Variants in CCDC170 observed in about 807,000 individuals in gnomAD.
CCDC170 encodes coiled-coil domain containing 170.
A neutral mutation model predicts 72.6 loss-of-function variants in CCDC170; 69 were observed. The ratio of observed to expected loss-of-function variants is 0.95; its 90% confidence interval spans 0.78 to 1.16. The LOEUF (loss-of-function observed/expected upper bound fraction) is 1.16, where lower values mean the gene tolerates loss of function less well. Ranked by LOEUF, CCDC170 falls within the 50% of genes most tolerant of loss-of-function variation. The pLI, the probability that CCDC170 is intolerant of heterozygous loss-of-function variation, is 0.00. For synonymous variants in CCDC170, 300 were observed against 303.9 expected (o/e 0.99, Z 0.13); for missense variants, 852 against 832.5 (o/e 1.02, Z -0.29).
At chr6:151,596,735 T>C (rs567355825) in intron 9 of CCDC170, 158 bp downstream of exon 9, 13 of 980,084 alleles carry the variant, frequency 1.3e-5, no homozygotes, top group Admixed American at 1.2e-4. Flanking sequence ...ATGACACAAA[T>C]CAGGGTACAT....
chr6:151,529,568 A>G (rs1223721049), intron 1 of CCDC170, among the ~76,000 whole-genome samples: 1 of 152,140 alleles, frequency 6.6e-6, no homozygotes, highest in African/African-American at 2.4e-5. Flanking sequence ...GAGGCAGGAG[A>G]ATCGCTTGAA....
At chr6:151,559,668 CTT>C (rs1562282337) in intron 5 of CCDC170, among the ~76,000 whole-genome samples, 2 of 152,240 alleles carry the variant, frequency 1.3e-5, no homozygotes, top group South Asian at 4.1e-4. Context: ...TTAACTTTCT[CTT>C]TTCCAATTTG....
intron 1 of CCDC170, among the ~76,000 whole-genome samples, chr6:151,519,797 G>T (rs1311965111): frequency 6.6e-6 from 1 of 152,190 alleles, no homozygotes; most frequent in Non-Finnish European, 1.5e-5. Flanking sequence ...ATAACCTGAA[G>T]TTGCCATGAC....
At chr6:151,527,050 ATTTTTTTTTTT>A (rs56941290) in intron 1 of CCDC170, among the ~76,000 whole-genome samples, 14 of 69,684 alleles carry the variant, frequency 2.0e-4, no homozygotes, top group Admixed American at 4.0e-4. Context: ...ATGCTTAGCT[ATTTTTTTTTTT>A]TTTTTTTTTT....
intron 9 of CCDC170, among the ~76,000 whole-genome samples, chr6:151,601,044 TAA>T (rs1283514511): frequency 6.6e-6 from 1 of 152,170 alleles, no homozygotes; most frequent in Non-Finnish European, 1.5e-5. Flanking sequence ...CTGCTGCTGA[TAA>T]AGACATACCC....
chr6:151,596,706 T>C (rs1053986465), intron 9 of CCDC170, 129 bp downstream of exon 9: 2 of 1,367,678 alleles, frequency 1.5e-6, no homozygotes, highest in African/African-American at 2.9e-5. Context: ...TTTTCTAGAA[T>C]TATGGGAAAA....
At chr6:151,554,736 G>C (rs1477671725) in intron 5 of CCDC170, among the ~76,000 whole-genome samples, 1 of 152,020 alleles carries the variant, frequency 6.6e-6, no homozygotes, top group Non-Finnish European at 1.5e-5. Context: ...AAAAAAGAGA[G>C]AGCAAGACAG....
chr6:151,615,645 A>T lies in CCDC170; in HGVS notation c.1913A>T (p.Lys638Ile), dbSNP rs754697022. Residue 638 changes from lysine to isoleucine, a missense_variant, in exon 10 of 11, where the codon AAA becomes ATA. Transcript: ENST00000239374. ...VVTSEMKTLK[K>I]SLEEAEKREK... ...ACCAGTGAAATGAAGACACTAAAAA[A>T]ATCTCTGGAAGAAGCAGAAAAGAGA... The T allele has an allele frequency of 2.7e-5, 44 of 1,613,890 alleles. No individual in the cohort carries two copies. In the Admixed American group the frequency reaches 6.0e-4, roughly 22 times the overall value.
intron 1 of CCDC170, among the ~76,000 whole-genome samples, chr6:151,494,697 G>C (rs1412937468): frequency 6.6e-6 from 1 of 152,162 alleles, no homozygotes; most frequent in Non-Finnish European, 1.5e-5. Context: ...TTAGGTACTG[G>C]GGACTTTCAG....
At position 151,617,942 on chromosome 6, in the gene CCDC170, T is replaced by C. The variant is rs1182407439; in HGVS notation, c.1948-5T>C. Reference sequence around the variant, plus strand: ...CAGTTAATGAGTTTCTGTTTGATATTGCAGCTGGCAGACTTCAGGGAGGTG... The same window carrying C: ...CAGTTAATGAGTTTCTGTTTGATATCGCAGCTGGCAGACTTCAGGGAGGTG... On this transcript the variant is annotated splice_polypyrimidine_tract_variant and splice_region_variant and intron_variant, in intron 10 of 10. Transcript: ENST00000239374. 6.2e-7 allele frequency: 1 copy of C among 1,611,210 alleles called. No individual in the cohort carries two copies. The highest frequency in any genetic ancestry group is 8.5e-7 in the Non-Finnish European group (1 of 1,177,864).
chr6:151,543,286 G>A (rs1321608653), intron 3 of CCDC170, among the ~76,000 whole-genome samples: 2 of 151,996 alleles, frequency 1.3e-5, no homozygotes, highest in African/African-American at 2.4e-5. Flanking sequence ...GCCAATTCTA[G>A]TACTTTCCTA....
chr6:151,605,248 G>C (rs1282062391), intron 9 of CCDC170, among the ~76,000 whole-genome samples: 1 of 152,216 alleles, frequency 6.6e-6, no homozygotes, highest in African/African-American at 2.4e-5. Context: ...TGGTAGAATA[G>C]TATTGATACA....
intron 9 of CCDC170, among the ~76,000 whole-genome samples, chr6:151,606,453 T>G (rs1776786244): frequency 6.6e-6 from 1 of 152,236 alleles, no homozygotes; most frequent in African/African-American, 2.4e-5. Flanking sequence ...GTGATTGATT[T>G]CTAATTTTAG....
intron 6 of CCDC170, among the ~76,000 whole-genome samples, chr6:151,583,590 T>G (rs1384049722): frequency 6.6e-6 from 1 of 152,168 alleles, no homozygotes; most frequent in Non-Finnish European, 1.5e-5. Context: ...TCCAAGTAGC[T>G]GGGACTACAG....
intron 9 of CCDC170, among the ~76,000 whole-genome samples, chr6:151,608,379 C>T (rs1460201414): frequency 6.6e-6 from 1 of 152,118 alleles, no homozygotes; most frequent in Non-Finnish European, 1.5e-5. Flanking sequence ...TTGCTTTTTT[C>T]ATGTGTCTTG....
In CCDC170 at chr6:151,618,417, G is replaced by T; in HGVS notation, c.*270G>T. The T allele has an allele frequency of 2.2e-6, 1 of 456,518 alleles. No individual in the cohort carries two copies. Among genetic ancestry groups the T allele is most frequent in the Non-Finnish European group, 3.9e-6 (1 of 255,720 alleles). 28.3% of individuals were successfully genotyped at this position (456,518 alleles called of 1,614,324 possible). ...TGAGTTAGATTGGGAAATGGGAGTG[G>T]GAGATAATATTGGGAGGTATCTATT... On this transcript the variant is annotated 3_prime_UTR_variant, in exon 11 of 11. Coordinates refer to ENST00000239374, the MANE Select transcript of CCDC170 (RefSeq NM_025059.4).
At chr6:151,613,650 T>C (rs926174766) in intron 9 of CCDC170, among the ~76,000 whole-genome samples, 1 of 152,252 alleles carries the variant, frequency 6.6e-6, no homozygotes, top group Middle Eastern at 3.2e-3. Context: ...GGTTTACCTA[T>C]GTGGTAGCAT....
chr6:151,550,854 C>T (rs1034371894), intron 5 of CCDC170, among the ~76,000 whole-genome samples: 3 of 152,150 alleles, frequency 2.0e-5, no homozygotes, highest in African/African-American at 7.2e-5. Context: ...GAGGTCCCCA[C>T]CCTCAAAACT....
chr6:151,544,400 C>T (rs544277202), intron 3 of CCDC170, among the ~76,000 whole-genome samples, 172 bp from the exon 4 acceptor site: 1 of 152,194 alleles, frequency 6.6e-6, no homozygotes, highest in South Asian at 2.1e-4. Flanking sequence ...TTTCTCCTTC[C>T]TTTATAGGGC....
Sources: allele counts gnomAD v4.1 joint callset (sites outside exome capture counted in the v4.1 genomes callset), GRCh38; gene constraint gnomAD v4.1.1; transcripts MANE v1.5; gene names NCBI Gene and HGNC (gene_info 2026-07-23, HGNC 2026-07-21).